LMTK2: variants seen among roughly 807,000 people sequenced by gnomAD.
LMTK2 encodes lemur tail kinase 2.
In LMTK2, 37 loss-of-function variants were observed where a neutral mutation model predicts 127.5. The observed-to-expected ratio is 0.29, with a 90% CI of 0.22 to 0.38. The LOEUF (loss-of-function observed/expected upper bound fraction) is 0.38, where lower values mean the gene tolerates loss of function less well. Ranked by LOEUF, LMTK2 falls within the 10% of genes least tolerant of loss-of-function variation. LMTK2 has a pLI of 1.00. For missense variants in LMTK2, 1,694 were observed against 1,920.3 expected, an observed-to-expected ratio of 0.88 and a Z score of 2.20; for synonymous variants, 819 against 810.1, an observed-to-expected ratio of 1.01 and a Z score of -0.19.
chr7:98,205,406 CCTGT>C (rs1584304678), intron 13 of LMTK2, 54 bp from the exon 14 acceptor site: 1 of 1,605,766 alleles, frequency 6.2e-7, no homozygotes, highest in African/African-American at 1.3e-5. Flanking sequence ...CCACGCCATG[CCTGT>C]CTGATCATTT....
At chr7:98,188,447 T>A (rs1049489315) in intron 9 of LMTK2, among the ~76,000 whole-genome samples, 4 of 152,168 alleles carry the variant, frequency 2.6e-5, no homozygotes, top group East Asian at 1.9e-4. Flanking sequence ...CTCCATTTTT[T>A]AAAAAAAGTT....
intron 6 of LMTK2, among the ~76,000 whole-genome samples, chr7:98,166,595 T>C (rs1797105523): frequency 6.7e-6 from 1 of 149,120 alleles, no homozygotes; most frequent in Admixed American, 6.7e-5. Context: ...AATTTTTATA[T>C]AGATTTAGTG....
chr7:98,145,886 G>A (rs1282050938), intron 3 of LMTK2, among the ~76,000 whole-genome samples: 1 of 152,046 alleles, frequency 6.6e-6, no homozygotes, highest in Non-Finnish European at 1.5e-5. Context: ...AGAAACTATT[G>A]CCAAATCCCT....
At chr7:98,134,652 A>T (rs1385089803) in intron 1 of LMTK2, among the ~76,000 whole-genome samples, 3 of 148,998 alleles carry the variant, frequency 2.0e-5, no homozygotes, top group Non-Finnish European at 4.4e-5. Flanking sequence ...CCCATCTCTC[A>T]ATAGAAAAAA....
intron 3 of LMTK2, among the ~76,000 whole-genome samples, chr7:98,144,159 G>A (rs930017350): frequency 2.6e-5 from 4 of 151,894 alleles, no homozygotes; most frequent in Admixed American, 1.3e-4. Context: ...GGCTGGGAGC[G>A]GTGGTTCATG....
Position 98,194,434 on chromosome 7 carries a change from C to G in LMTK2, c.3969C>G (p.Ser1323Arg). The G allele has an allele frequency of 6.2e-7, 1 of 1,614,112 alleles. No homozygotes were observed. The highest frequency in any genetic ancestry group is 1.3e-5 in the African/African-American group (1 of 75,042). ...ETEHPVPIILSNEDGRHLRSL... is the reference protein window; with the variant it reads ...ETEHPVPIILRNEDGRHLRSL... ...AGCACCCCGTGCCCATCATCCTCAG[C>G]AACGAGGACGGAAGGCACCTGCGGA... The change falls in exon 11 of 14, where the codon AGC (serine) becomes AGG (arginine). Residue 1323 changes from serine (S) to arginine (R), a missense_variant. By Grantham distance (110) the Ser-to-Arg change is moderately radical. This residue lies in a region of LMTK2 where 554 missense variants were observed against 567.7 expected (regional missense o/e 0.98). Coordinates refer to ENST00000297293, the MANE Select transcript of LMTK2 (RefSeq NM_014916.4). The surrounding 1 kb of genome is among the most constrained non-coding windows in gnomAD (Gnocchi z 5.4).
Position 98,192,843 on chromosome 7 carries a change from A to G in LMTK2, c.2378A>G (p.Asp793Gly), listed in dbSNP as rs368742738. 5.1e-5 allele frequency: 83 copies of G among 1,613,940 alleles called. 1 individual carries two copies. The highest frequency in any genetic ancestry group is 3.0e-4 in the Admixed American group (18 of 59,988). ...GAAAACGTAAGCACAAAGGGTGACG[A>G]TACAGATGTCATGCTCACAGGTGAC... is the stretch of plus-strand genomic sequence containing the variant. ...LQENVSTKGD[D>G]TDVMLTGDTL... The change falls in exon 11 of 14, where the codon GAT (aspartate) becomes GGT (glycine). Residue 793 changes from aspartate to glycine, a missense_variant. Asp to Gly is a moderately conservative substitution (Grantham distance 94). Transcript: ENST00000297293.
intron 3 of LMTK2, among the ~76,000 whole-genome samples, chr7:98,145,858 CT>C (rs1484462669): frequency 6.6e-6 from 1 of 152,116 alleles, no homozygotes; most frequent in African/African-American, 2.4e-5. Flanking sequence ...GTTGCTTGTG[CT>C]TTTGGTGTCA....
At position 98,141,386 on chromosome 7, in the gene LMTK2, T is replaced by C. The variant is rs540451221; in HGVS notation, c.232-11T>C. 1 of 1,612,326 alleles carries C rather than the reference T, an allele frequency of 6.2e-7. No homozygotes were observed. Among genetic ancestry groups the C allele is most frequent in the East Asian group, 2.2e-5 (1 of 44,862 alleles). On this transcript the variant is annotated splice_polypyrimidine_tract_variant and intron_variant, in intron 2 of 13. Coordinates refer to ENST00000297293, the MANE Select transcript of LMTK2 (RefSeq NM_014916.4). ...CCAATGGTTTTTAATGCTTGCTCTCTTTCATTTTAGGAATTTGAAGATAAT... is the reference window on the plus strand; with the variant it reads ...CCAATGGTTTTTAATGCTTGCTCTCCTTCATTTTAGGAATTTGAAGATAAT...
At chr7:98,161,124 A>G (rs1797009269) in intron 6 of LMTK2, among the ~76,000 whole-genome samples, 1 of 151,772 alleles carries the variant, frequency 6.6e-6, no homozygotes, top group Non-Finnish European at 1.5e-5. Flanking sequence ...TCTTTTTTGT[A>G]CCCGTTACAA....
At chr7:98,132,508 C>G (rs1456815362) in intron 1 of LMTK2, among the ~76,000 whole-genome samples, 2 of 152,158 alleles carry the variant, frequency 1.3e-5, no homozygotes, top group African/African-American at 4.8e-5. Flanking sequence ...CTTGGCCTCC[C>G]AAAGTGCTGA....
intron 3 of LMTK2, among the ~76,000 whole-genome samples, chr7:98,143,949 A>G (rs534478644): frequency 4.1e-4 from 62 of 152,310 alleles, no homozygotes; most frequent in Non-Finnish European, 7.4e-4. Flanking sequence ...GTTCCTATAA[A>G]AGGATCAAGG....
At chr7:98,199,445 T>G (rs1195367753) in intron 11 of LMTK2, among the ~76,000 whole-genome samples, 1 of 152,382 alleles carries the variant, frequency 6.6e-6, no homozygotes, top group East Asian at 1.9e-4. Flanking sequence ...CTTTTTATCC[T>G]TTCGTAATGT....
At chr7:98,204,237 C>T (rs761953775) in intron 13 of LMTK2, 51 bp downstream of exon 13, 29 of 1,579,018 alleles carry the variant, frequency 1.8e-5, no homozygotes, top group African/African-American at 4.0e-5. Flanking sequence ...GGGGGTGGGG[C>T]GCTGCAGCTG....
At chr7:98,145,547 A>G (rs6977321) in intron 3 of LMTK2, among the ~76,000 whole-genome samples, 57,009 of 151,942 alleles carry the variant, frequency 0.38, 13,540 homozygotes, top group Middle Eastern at 0.62. Flanking sequence ...AGGAAATCCA[A>G]CTTCAGCTTT....
chr7:98,209,108 A>G lies in LMTK2; in HGVS notation c.*3616A>G, dbSNP rs1403600483. Reference sequence around the variant, plus strand: ...AGAGTGGCTTCAAAACATGAGCCTTATGGGAAGTAGCCTTAAAAAAAGAAT... The same window carrying G: ...AGAGTGGCTTCAAAACATGAGCCTTGTGGGAAGTAGCCTTAAAAAAAGAAT... On this transcript the variant is annotated 3_prime_UTR_variant, in exon 14 of 14. Transcript: ENST00000297293. The G allele has an allele frequency of 3.3e-5, 5 of 152,222 alleles. No individual in the cohort carries two copies. The highest frequency in any genetic ancestry group is 1.2e-4 in the African/African-American group (5 of 41,448). 9.4% of individuals were successfully genotyped at this position (152,222 alleles called of 1,614,324 possible). A position where few individuals can be genotyped will look rare whatever the true frequency, so the allele number is the denominator to read the frequency against.
intron 1 of LMTK2, among the ~76,000 whole-genome samples, chr7:98,112,896 A>G (rs996013309): frequency 1.3e-5 from 2 of 152,180 alleles, no homozygotes; most frequent in Non-Finnish European, 2.9e-5. Context: ...TTGCTCTGTC[A>G]CTCAGGCTGG....
chr7:98,140,966 C>A (rs12704968), intron 2 of LMTK2, among the ~76,000 whole-genome samples: 150,067 of 151,506 alleles, frequency 0.99, 74,340 homozygotes, highest in Middle Eastern at 1. Context: ...CTGAGGTAGG[C>A]GGCTCACTTG....
At chr7:98,203,805 CT>C in intron 12 of LMTK2, 99 bp downstream of exon 12, 5 of 1,571,184 alleles carry the variant, frequency 3.2e-6, no homozygotes, top group Non-Finnish European at 4.4e-6. Flanking sequence ...ATGACGCCCC[CT>C]GACATGGGCA....
Sources: allele counts gnomAD v4.1 joint callset (sites outside exome capture counted in the v4.1 genomes callset), GRCh38; gene constraint gnomAD v4.1.1; regional missense constraint gnomAD v4.1.1; non-coding constraint Gnocchi (gnomAD v3.1); transcripts MANE v1.5; gene names NCBI Gene and HGNC (gene_info 2026-07-23, HGNC 2026-07-21).